Variants in ABCA13 observed in about 807,000 individuals in gnomAD.
ABCA13 encodes ATP-binding cassette sub-family A member 13.
Under a neutral mutation model 478.7 loss-of-function variants are expected in ABCA13, and 476 were observed. The observed-to-expected ratio is 0.99, with a 90% CI of 0.92 to 1.07. ABCA13 has a LOEUF of 1.07. Ranked by LOEUF, ABCA13 falls within the 50% of genes least tolerant of loss-of-function variation. The pLI is 0.00. For synonymous variants in ABCA13, 2,252 were observed against 2,158.9 expected (o/e 1.04, Z -1.20); for missense variants, 6,060 against 5,910.6 (o/e 1.03, Z -0.83).
chr7:48,357,409 G>T (rs1311723953), intron 31 of ABCA13, among the ~76,000 whole-genome samples: 1 of 151,938 alleles, frequency 6.6e-6, no homozygotes, highest in Admixed American at 6.5e-5. Flanking sequence ...ACCAACGCAG[G>T]TAATTTGTTG....
intron 3 of ABCA13, among the ~76,000 whole-genome samples, chr7:48,207,046 A>G (rs537022833): frequency 1.3e-5 from 2 of 152,284 alleles, no homozygotes; most frequent in South Asian, 2.1e-4. Context: ...GCTCCCACAT[A>G]TAAGTGAGAA....
intron 39 of ABCA13, among the ~76,000 whole-genome samples, chr7:48,409,148 A>C (rs926689686): frequency 1.3e-5 from 2 of 152,202 alleles, no homozygotes; most frequent in Non-Finnish European, 2.9e-5. Context: ...TTGAAAATTT[A>C]CCTTTGGAAC....
chr7:48,639,877 C>T (rs889017104), intron 59 of ABCA13, among the ~76,000 whole-genome samples: 2 of 152,094 alleles, frequency 1.3e-5, no homozygotes, highest in Non-Finnish European at 2.9e-5. Context: ...GAGTATGAGA[C>T]ATTAGTATGT....
chr7:48,364,777 A>G (rs1489289626), intron 31 of ABCA13, among the ~76,000 whole-genome samples: 2 of 152,144 alleles, frequency 1.3e-5, no homozygotes, highest in Admixed American at 6.6e-5. Flanking sequence ...TCCATTTTGT[A>G]TATATGCCAC....
At chr7:48,303,625 C>T (rs191462007) in intron 23 of ABCA13, among the ~76,000 whole-genome samples, 7 of 152,020 alleles carry the variant, frequency 4.6e-5, no homozygotes, top group Admixed American at 2.0e-4. Flanking sequence ...TCAGGTTTGT[C>T]GAAGATCAGA....
Position 48,227,393 on chromosome 7 carries a change from T to A in ABCA13, c.600T>A (p.Asp200Glu), listed in dbSNP as rs1313976007. 2 of 1,614,022 alleles carry A rather than the reference T, an allele frequency of 1.2e-6. No individual in the cohort carries two copies. Among genetic ancestry groups the A allele is most frequent in the Middle Eastern group, 1.6e-4 (1 of 6,062 alleles). ...ATGATCATGTGGAAGATGGCATGGATGTTGCAGTGAACCTTCTCCAGACCA... is the reference window on the plus strand; with the variant it reads ...ATGATCATGTGGAAGATGGCATGGAAGTTGCAGTGAACCTTCTCCAGACCA... ...TSHDHVEDGM[D>E]VAVNLLQTIL... is the part of the protein sequence containing the mutation. The change falls in exon 6 of 62, where the codon GAT becomes GAA. Residue 200 changes from aspartate (D) to glutamate (E), a missense_variant. Asp to Glu is a conservative substitution (Grantham distance 45). Transcript: ENST00000435803.
At position 48,273,748 on chromosome 7, in the gene ABCA13, G is replaced by A. The variant is rs1795932540; in HGVS notation, c.4082G>A (p.Gly1361Asp). 1 of 1,610,208 alleles carries A rather than the reference G, an allele frequency of 6.2e-7. No individual in the cohort carries two copies. The highest frequency in any genetic ancestry group is 1.3e-5 in the African/African-American group (1 of 74,838). Reference sequence around the variant, plus strand: ...GTTACTGAGTGTATTTTAGAAGATGGCTTTTTATATGTAAATACCTCACAG... The same window carrying A: ...GTTACTGAGTGTATTTTAGAAGATGACTTTTTATATGTAAATACCTCACAG... ...QNVTECILED[G>D]FLYVNTSQRM... The change falls in exon 17 of 62, where the codon GGC (glycine) becomes GAC (aspartate). Residue 1361 changes from glycine to aspartate, a missense_variant. Coordinates refer to ENST00000435803, the MANE Select transcript of ABCA13 (RefSeq NM_152701.5).
intron 48 of ABCA13, among the ~76,000 whole-genome samples, chr7:48,505,654 G>A (rs1831141982): frequency 6.6e-6 from 1 of 152,136 alleles, no homozygotes; most frequent in Non-Finnish European, 1.5e-5. Flanking sequence ...AGTCCACAAT[G>A]TCCAAGATAA....
At chr7:48,592,469 T>C (rs1333332705) in intron 57 of ABCA13, among the ~76,000 whole-genome samples, 1 of 152,076 alleles carries the variant, frequency 6.6e-6, no homozygotes, top group East Asian at 1.9e-4. Context: ...TTTTTAAAAT[T>C]GTTTAGACTT....
intron 23 of ABCA13, among the ~76,000 whole-genome samples, chr7:48,299,708 T>TA (rs1308381485): frequency 7.2e-5 from 11 of 152,202 alleles, no homozygotes; most frequent in African/African-American, 2.2e-4. Flanking sequence ...AGTTTTATGA[T>TA]ACTTTTTGGG....
At chr7:48,390,344 C>T (rs1309289864) in intron 37 of ABCA13, among the ~76,000 whole-genome samples, 1 of 152,188 alleles carries the variant, frequency 6.6e-6, no homozygotes, top group Non-Finnish European at 1.5e-5. Flanking sequence ...GCTGAGAGGT[C>T]AGTCAAAGAC....
intron 57 of ABCA13, among the ~76,000 whole-genome samples, chr7:48,588,937 T>G (rs1487068513): frequency 6.6e-6 from 1 of 152,202 alleles, no homozygotes; most frequent in Non-Finnish European, 1.5e-5. Flanking sequence ...CACCTTTTAT[T>G]TACTTATTTT....
chr7:48,420,496 T>C (rs959470861), intron 41 of ABCA13, among the ~76,000 whole-genome samples: 2 of 152,240 alleles, frequency 1.3e-5, no homozygotes, highest in African/African-American at 4.8e-5. Context: ...AGTAAATTTT[T>C]GCAGTGTATT....
At chr7:48,631,356 C>T (rs939725699) in intron 59 of ABCA13, among the ~76,000 whole-genome samples, 1 of 152,018 alleles carries the variant, frequency 6.6e-6, no homozygotes, top group Non-Finnish European at 1.5e-5. Context: ...GGTCCAGTTT[C>T]ATTCTTTTGC....
chr7:48,264,495 A>T (rs553181640), intron 15 of ABCA13, among the ~76,000 whole-genome samples: 1 of 151,948 alleles, frequency 6.6e-6, no homozygotes, highest in South Asian at 2.1e-4. Flanking sequence ...GTGTAGTTGT[A>T]TGCTATTATG....
chr7:48,465,517 CTTCT>C (rs1269942524), intron 43 of ABCA13, among the ~76,000 whole-genome samples: 6 of 137,480 alleles, frequency 4.4e-5, no homozygotes, highest in Non-Finnish European at 9.4e-5. Context: ...GCTTACATTT[CTTCT>C]TTCTTTTTTT....
chr7:48,294,905 A>ATG (rs1393110656), intron 20 of ABCA13, among the ~76,000 whole-genome samples: 1 of 152,184 alleles, frequency 6.6e-6, no homozygotes, highest in African/African-American at 2.4e-5. Flanking sequence ...CAGCTGAATA[A>ATG]TATTTTATTG....
chr7:48,600,986 A>G (rs908046049), intron 58 of ABCA13, among the ~76,000 whole-genome samples: 2 of 152,022 alleles, frequency 1.3e-5, no homozygotes, highest in Non-Finnish European at 2.9e-5. Flanking sequence ...ATCTTATCGC[A>G]CAAGTCTGAG....
intron 45 of ABCA13, among the ~76,000 whole-genome samples, chr7:48,477,965 T>C (rs946573536): frequency 1.3e-5 from 2 of 151,980 alleles, no homozygotes; most frequent in African/African-American, 4.8e-5. Flanking sequence ...GGAATTTTTT[T>C]TAGCAAGAAA....
Sources: allele counts gnomAD v4.1 joint callset (sites outside exome capture counted in the v4.1 genomes callset), GRCh38; gene constraint gnomAD v4.1.1; transcripts MANE v1.5; gene names NCBI Gene and HGNC (gene_info 2026-07-23, HGNC 2026-07-21).